GOLGA3: variants seen among roughly 807,000 people sequenced by gnomAD.
GOLGA3 encodes golgin subfamily A member 3.
A neutral mutation model predicts 169.4 loss-of-function variants in GOLGA3; 75 were observed. The observed-to-expected ratio is 0.44, with a 90% CI of 0.37 to 0.54. The LOEUF (loss-of-function observed/expected upper bound fraction) is 0.54. Among genes scored for constraint, GOLGA3 ranks in the 20% least tolerant of loss-of-function variants. GOLGA3 has a pLI of 0.00. For synonymous variants in GOLGA3, 824 were observed against 822.4 expected, an observed-to-expected ratio of 1.00 and a Z score of -0.03; for missense variants, 1,899 against 1,930.0, an observed-to-expected ratio of 0.98 and a Z score of 0.30.
chr12:132,789,896 G>T (rs1205608947), intron 12 of GOLGA3, among the ~76,000 whole-genome samples: 1 of 152,174 alleles, frequency 6.6e-6, no homozygotes, highest in African/African-American at 2.4e-5. Context: ...AGCCAGGCGT[G>T]GTGGTGCATG....
chr12:132,808,359 GTTT>G lies in GOLGA3; in HGVS notation c.707_709del (p.Lys236del). On this transcript the variant is annotated inframe_deletion, in exon 5 of 24. Coordinates refer to ENST00000450791, the MANE Select transcript of GOLGA3 (RefSeq NM_001389683.1). ...AGACCGGATTTTGCTTGATTTGGAA[GTTT>G]TTTTCTCCCTAGGATGTGCCGGAAG... 1 of 1,614,076 alleles carries G rather than the reference GTTT, an allele frequency of 6.2e-7. No individual in the cohort carries two copies. The highest frequency in any genetic ancestry group is 1.1e-5 in the South Asian group (1 of 91,084).
chr12:132,816,184 C>T (rs1279531227), intron 3 of GOLGA3, among the ~76,000 whole-genome samples: 18 of 152,064 alleles, frequency 1.2e-4, no homozygotes, highest in Non-Finnish European at 1.3e-4. Flanking sequence ...GGCGAAAGAG[C>T]GAGACTCTGT....
At chr12:132,784,856 C>T (rs2045815750) in intron 15 of GOLGA3, among the ~76,000 whole-genome samples, 1 of 151,988 alleles carries the variant, frequency 6.6e-6, no homozygotes, top group Non-Finnish European at 1.5e-5. Flanking sequence ...GCTCACATCC[C>T]ACACACCATG....
chr12:132,805,366 G>A (rs1185342347), intron 6 of GOLGA3, among the ~76,000 whole-genome samples: 2 of 9,434 alleles, frequency 2.1e-4, no homozygotes, highest in Admixed American at 9.0e-4. Context: ...CTCTCCCAAG[G>A]CCTGACAGGG....
rs756797560 is a variant in GOLGA3, at chr12:132,784,070, G to C, written c.3267+94C>G. 4.4e-5 allele frequency: 69 copies of C among 1,574,104 alleles called. No homozygotes were observed. In the Admixed American group the frequency reaches 1.1e-3, roughly 26 times the overall value. On this transcript the variant is annotated intron_variant, in intron 16 of 23. Coordinates refer to ENST00000450791, the MANE Select transcript of GOLGA3 (RefSeq NM_001389683.1). ...AAAGTAGCAACGCTGGGCACACGGT[G>C]AAGTTTTGTTCTTCGGGTCTCACGC...
At chr12:132,800,025 G>A (rs940492723) in intron 8 of GOLGA3, among the ~76,000 whole-genome samples, 4 of 152,140 alleles carry the variant, frequency 2.6e-5, no homozygotes, top group African/African-American at 9.7e-5. Context: ...ACAGGCATGC[G>A]CTACTGCACC....
At chr12:132,788,655 C>G (rs2046054361) in intron 13 of GOLGA3, among the ~76,000 whole-genome samples, 3 of 152,194 alleles carry the variant, frequency 2.0e-5, no homozygotes, top group African/African-American at 7.2e-5. Context: ...GGGGTCTCCA[C>G]AAAACACTCA....
rs371371633 is a variant in GOLGA3, at chr12:132,825,089, G to A, written c.-183-2778C>T. On this transcript the variant is annotated intron_variant, in intron 1 of 23. Coordinates refer to ENST00000450791, the MANE Select transcript of GOLGA3 (RefSeq NM_001389683.1). Reference sequence around the variant, plus strand: ...CTGAATACTGGTACCCTGTACATCTGGTCCTCTTGAAAATTTCCTAGCAAA... The same window carrying A: ...CTGAATACTGGTACCCTGTACATCTAGTCCTCTTGAAAATTTCCTAGCAAA... Among the ~76,000 whole-genome samples, 10 of 152,288 alleles carry A rather than the reference G, an allele frequency of 6.6e-5. 1 individual carries two copies. The highest frequency in any genetic ancestry group is 2.2e-4 in the African/African-American group (9 of 41,546).
rs754776110 is a variant in GOLGA3 at position 132,808,276 on chromosome 12, C to G, written c.793G>C (p.Ala265Pro). 1.1e-5 allele frequency: 18 copies of G among 1,613,976 alleles called. No individual in the cohort carries two copies. The highest frequency in any genetic ancestry group is 1.5e-5 in the Non-Finnish European group (18 of 1,180,030). The change falls in exon 5 of 24, where the codon GCT becomes CCT. Residue 265 changes from alanine to proline, a missense_variant. Physicochemically the swap from Ala to Pro is conservative, Grantham distance 27. Coordinates refer to ENST00000450791, the MANE Select transcript of GOLGA3 (RefSeq NM_001389683.1). The stretch of plus-strand genomic sequence containing the variant: ...AGGGAACCCTTGGTAGAATCGGGAG[C>G]CGGGACATTTCCCCCAGAATTCCCC... The part of the protein sequence containing the change: ...NAGNSGGNVP[A>P]PDSTKGSLKQ...
intron 5 of GOLGA3, among the ~76,000 whole-genome samples, chr12:132,807,585 C>A (rs1207957975): frequency 3.3e-5 from 5 of 152,172 alleles, no homozygotes; most frequent in Non-Finnish European, 7.3e-5. Context: ...CAGACCATTG[C>A]TGATCTAATT....
At chr12:132,785,748 GAAT>G (rs1353356784) in intron 15 of GOLGA3, among the ~76,000 whole-genome samples, 23 of 152,234 alleles carry the variant, frequency 1.5e-4, no homozygotes, top group African/African-American at 4.8e-4. Flanking sequence ...GTGAATTGGA[GAAT>G]AATAAATAAA....
intron 12 of GOLGA3, 43 bp from the exon 13 acceptor site, chr12:132,789,333 C>G: frequency 6.6e-7 from 1 of 1,506,494 alleles, no homozygotes; most frequent in South Asian, 1.3e-5. Context: ...GGCGGCGGGG[C>G]GTGGGGGGCG....
rs748895412 is a variant in GOLGA3 at position 132,807,305 on chromosome 12, G to T, written c.1179-17C>A. 17 of 1,411,926 alleles carry T rather than the reference G, an allele frequency of 1.2e-5. No individual in the cohort carries two copies. The highest frequency in any genetic ancestry group is 1.6e-5 in the Non-Finnish European group (16 of 1,024,084). 87.5% of individuals were successfully genotyped at this position (1,411,926 alleles called of 1,614,324 possible). A position where few individuals can be genotyped will look rare whatever the true frequency, so the allele number is the denominator to read the frequency against. On this transcript the variant is annotated splice_polypyrimidine_tract_variant and intron_variant, in intron 5 of 23. Transcript: ENST00000450791. ...AAGGACACGCTGGGGACAAAGGCAC[G>T]GGTCAGGCCTGTGCGAGCCATCCTC...
intron 9 of GOLGA3, 42 bp from the exon 10 acceptor site, chr12:132,796,742 A>T (rs1361182627): frequency 3.8e-6 from 6 of 1,593,828 alleles, no homozygotes; most frequent in Non-Finnish European, 5.1e-6. Context: ...AGGAAACCTT[A>T]ATAGTGAACA....
At chr12:132,818,801 AC>A (rs1363724512) in intron 2 of GOLGA3, among the ~76,000 whole-genome samples, 1 of 151,996 alleles carries the variant, frequency 6.6e-6, no homozygotes, top group Non-Finnish European at 1.5e-5. Flanking sequence ...TCATCACACC[AC>A]CCGTGAAGCA....
intron 1 of GOLGA3, chr12:132,825,754 A>G: frequency 6.5e-7 from 1 of 1,543,566 alleles, no homozygotes; most frequent in Non-Finnish European, 8.9e-7. Flanking sequence ...CCATCTTTCA[A>G]AACAAGAAGA....
rs1479049966 is a variant in GOLGA3 at position 132,780,918 on chromosome 12, G to C, written c.3466-4C>G. On this transcript the variant is annotated splice_region_variant and splice_polypyrimidine_tract_variant and intron_variant, in intron 17 of 23. Transcript: ENST00000450791. ...TGCGCTGCAAAACTGCCTGCACCTA[G>C]ATCAGATTGCAGGAGGACAGATAAG... 5 of 1,604,246 alleles carry C rather than the reference G, an allele frequency of 3.1e-6. No individual in the cohort carries two copies. In the East Asian group the frequency reaches 6.7e-5, roughly 21 times the overall value.
intron 1 of GOLGA3, chr12:132,827,490 A>G (rs930692295): frequency 6.6e-6 from 1 of 152,228 alleles, no homozygotes; most frequent in African/African-American, 2.4e-5. Flanking sequence ...CCAGGATTAA[A>G]TATAACAAGG....
rs781266238 is a variant in GOLGA3, at chr12:132,816,848, TAAC to T, written c.134-39_134-37del. 43 of 1,540,392 alleles carry T rather than the reference TAAC, an allele frequency of 2.8e-5. 2 individuals are homozygous for T. The South Asian group carries it at 4.2e-4, about 15-fold the overall frequency. On this transcript the variant is annotated intron_variant, in intron 2 of 23. Coordinates refer to ENST00000450791, the MANE Select transcript of GOLGA3 (RefSeq NM_001389683.1). ...AGAGCACGCTGGACCACCATGGCTT[TAAC>T]AACAAGGTGACGTCGCTTTTCAGAC...
Sources: allele counts gnomAD v4.1 joint callset (sites outside exome capture counted in the v4.1 genomes callset), GRCh38; gene constraint gnomAD v4.1.1; transcripts MANE v1.5; gene names NCBI Gene and HGNC (gene_info 2026-07-23, HGNC 2026-07-21).